ZAR1: variants seen among roughly 807,000 people sequenced by gnomAD.
The protein encoded by ZAR1 is zygote arrest 1.
In ZAR1, 37 loss-of-function variants were observed where a neutral mutation model predicts 38.3. The observed-to-expected ratio is 0.97, with a 90% CI of 0.74 to 1.27. ZAR1 has a LOEUF of 1.27. Among genes scored for constraint, ZAR1 ranks in the 50% most tolerant of loss-of-function variants. The pLI, the probability that ZAR1 is intolerant of heterozygous loss-of-function variation, is 0.00. For missense variants in ZAR1, 651 were observed against 632.4 expected (o/e 1.03, Z -0.32); for synonymous variants, 336 against 292.0 (o/e 1.15, Z -1.53).
In ZAR1 at chr4:48,491,019, G is replaced by A. The variant is rs1718423124; in HGVS notation, c.728G>A (p.Gly243Asp). Residue 243 changes from glycine (G) to aspartate (D), a missense_variant, in exon 1 of 4, where the codon GGC (glycine) becomes GAC (aspartate). By Grantham distance (94) the Gly-to-Asp change is moderately conservative (BLOSUM62 -1). Transcript: ENST00000327939. The part of the protein sequence containing the change: ...APRRPQSDDD[G>D]EAQAAVRASW... Reference sequence around the variant, plus strand: ...CGGCGGCCGCAGTCCGACGACGACGGCGAGGCCCAGGCCGCAGTCCGAGCG... The same window carrying A: ...CGGCGGCCGCAGTCCGACGACGACGACGAGGCCCAGGCCGCAGTCCGAGCG... 5.1e-6 allele frequency: 7 copies of A among 1,365,032 alleles called. No homozygotes were observed. Among genetic ancestry groups the A allele is most frequent in the Non-Finnish European group, 6.6e-6 (7 of 1,063,888 alleles). The allele number at this position is 1,365,032 out of a possible 1,614,324, so 84.6% of individuals were successfully genotyped here. A position where few individuals can be genotyped will look rare whatever the true frequency, so the allele number is the denominator to read the frequency against.
chr4:48,494,688 T>A (rs1718538998), downstream of ZAR1, among the ~76,000 whole-genome samples: 2 of 128,932 alleles, frequency 1.6e-5, no homozygotes, highest in Non-Finnish European at 3.2e-5. Flanking sequence ...AGACTCCATC[T>A]CAAAAAAAAA....
In ZAR1 at chr4:48,490,890, C is replaced by A; in HGVS notation, c.599C>A (p.Ala200Glu). Residue 200 changes from alanine (A) to glutamate (E), a missense_variant, in exon 1 of 4, where the codon GCG (alanine) becomes GAG (glutamate). By Grantham distance (107) the Ala-to-Glu change is moderately radical. This residue lies in a region of ZAR1 where 522 missense variants were observed against 459.9 expected (regional missense o/e 1.14). Transcript: ENST00000327939. ...GCCTTCCTGGAGGGGCCCGGGCCCGCGGCGGGCGAGCAGAGGTCCGGGGCG... is the reference window on the plus strand; with the variant it reads ...GCCTTCCTGGAGGGGCCCGGGCCCGAGGCGGGCGAGCAGAGGTCCGGGGCG... ...LTAFLEGPGP[A>E]AGEQRSGASD... The A allele has an allele frequency of 7.1e-7, 1 of 1,400,218 alleles. No homozygotes were observed. The highest frequency in any genetic ancestry group is 9.3e-7 in the Non-Finnish European group (1 of 1,081,078). The allele number at this position is 1,400,218 out of a possible 1,614,324, so 86.7% of individuals were successfully genotyped here.
downstream of ZAR1, among the ~76,000 whole-genome samples, chr4:48,496,282 C>T (rs1398668192): frequency 6.6e-6 from 1 of 152,068 alleles, no homozygotes; most frequent in Non-Finnish European, 1.5e-5. Flanking sequence ...TTTACTGGTT[C>T]GAACATGTTC....
At chr4:48,492,635 C>G in intron 1 of ZAR1, 131 bp from the exon 2 acceptor site, 4 of 840,884 alleles carry the variant, frequency 4.8e-6, no homozygotes, top group Non-Finnish European at 7.9e-6. Flanking sequence ...AGAGGCGTAC[C>G]CAAACCTGAC....
chr4:48,494,600 G>A (rs1168701010), downstream of ZAR1, among the ~76,000 whole-genome samples: 1 of 152,058 alleles, frequency 6.6e-6, no homozygotes, highest in East Asian at 1.9e-4. Flanking sequence ...CTGGAGGACT[G>A]AAGCTTAGAA....
chr4:48,492,402 A>G lies in ZAR1; in HGVS notation c.964-364A>G, dbSNP rs1288261046. Among the ~76,000 whole-genome samples the G allele has an allele frequency of 2.0e-5, 3 of 152,108 alleles. No homozygotes were observed. In the East Asian group the frequency reaches 5.8e-4, roughly 29 times the overall value. ...TAAAGTTCCTTAGATGTGGAGTCTT[A>G]TTTTTCTTCAGCTTAATACATGTGT... On this transcript the variant is annotated intron_variant, in intron 1 of 3. Transcript: ENST00000327939.
chr4:48,492,891 C>T (rs1718485336), intron 2 of ZAR1, 33 bp downstream of exon 2: 2 of 1,613,786 alleles, frequency 1.2e-6, no homozygotes, highest in Non-Finnish European at 1.7e-6. Context: ...CATCTTCTTG[C>T]TGAAAGTGTC....
intron 3 of ZAR1, among the ~76,000 whole-genome samples, chr4:48,493,447 TAAA>T (rs111668566): frequency 1.1e-4 from 16 of 152,362 alleles, no homozygotes; most frequent in African/African-American, 3.6e-4. Context: ...CAGTTTAAGA[TAAA>T]TCTAAGTTGT....
intron 1 of ZAR1, 109 bp from the exon 2 acceptor site, chr4:48,492,657 C>T: frequency 1.9e-6 from 2 of 1,055,268 alleles, no homozygotes. Flanking sequence ...TGCTTTCTTT[C>T]ATGATCTGAA....
At chr4:48,496,391 CAATG>C (rs1212420227), downstream of ZAR1, among the ~76,000 whole-genome samples, 4 of 148,962 alleles carry the variant, frequency 2.7e-5, no homozygotes, top group African/African-American at 7.5e-5. Context: ...AGTATTTGCT[CAATG>C]AATGAGTGAA....
downstream of ZAR1, among the ~76,000 whole-genome samples, chr4:48,495,001 T>C (rs944025398): frequency 9.2e-5 from 14 of 152,304 alleles, no homozygotes; most frequent in East Asian, 2.3e-3. Context: ...CAAGTAGACT[T>C]TGTGTTTCTT....
At chr4:48,491,304 C>T in intron 1 of ZAR1, 50 bp downstream of exon 1, 1 of 1,209,304 alleles carries the variant, frequency 8.3e-7, no homozygotes. Context: ...GTGCGGGTGT[C>T]TTCCTTGGGC....
chr4:48,492,202 ACT>A (rs2148674285), intron 1 of ZAR1, among the ~76,000 whole-genome samples: 1 of 152,286 alleles, frequency 6.6e-6, no homozygotes, highest in African/African-American at 2.4e-5. Flanking sequence ...TGAAAGGCTA[ACT>A]CTAAAAACGT....
intron 1 of ZAR1, 32 bp downstream of exon 1, chr4:48,491,286 G>C: frequency 8.2e-7 from 1 of 1,226,664 alleles, no homozygotes; most frequent in Non-Finnish European, 1.0e-6. Flanking sequence ...GCACAGGGGA[G>C]CCCGGGGGTG....
At chr4:48,492,635 C>A in intron 1 of ZAR1, 131 bp from the exon 2 acceptor site, 1 of 840,884 alleles carries the variant, frequency 1.2e-6, no homozygotes, top group Non-Finnish European at 2.0e-6. Flanking sequence ...AGAGGCGTAC[C>A]CAAACCTGAC....
At chr4:48,491,455 A>T (rs545388820) in intron 1 of ZAR1, among the ~76,000 whole-genome samples, 13 of 152,166 alleles carry the variant, frequency 8.5e-5, no homozygotes, top group Admixed American at 3.3e-4. Flanking sequence ...ATCCAGACTT[A>T]CTCGTGGCGG....
In ZAR1 at chr4:48,490,786, C is replaced by T. The variant is rs1718408965; in HGVS notation, c.495C>T (p.Pro165=). 2 of 1,503,730 alleles carry T rather than the reference C, an allele frequency of 1.3e-6. No individual in the cohort carries two copies. The highest frequency in any genetic ancestry group is 5.5e-5 in the East Asian group (2 of 36,138). The allele number at this position is 1,503,730 out of a possible 1,614,324, so 93.1% of individuals were successfully genotyped here. A position where few individuals can be genotyped will look rare whatever the true frequency, so the allele number is the denominator to read the frequency against. Residue 165 remains proline (P), a synonymous_variant, in exon 1 of 4, where the codon CCC becomes CCT. Transcript: ENST00000327939. The part of the protein sequence containing the change: ...PSRRGLEQGS[P]QNGAPRPMRF... ...GTCGAGGCCTGGAGCAGGGCAGCCCCCAGAACGGCGCCCCGCGGCCCATGC... is the reference window on the plus strand; with the variant it reads ...GTCGAGGCCTGGAGCAGGGCAGCCCTCAGAACGGCGCCCCGCGGCCCATGC...
At position 48,492,855 on chromosome 4, in the gene ZAR1, CAAGGT is replaced by C. The variant is rs1718483778; in HGVS notation, c.1056+1_1056+5del. The C allele has an allele frequency of 1.2e-6, 2 of 1,614,052 alleles. No homozygotes were observed. Among genetic ancestry groups the C allele is most frequent in the African/African-American group, 1.3e-5 (1 of 74,918 alleles). ...ATGTGTGGTGTGTACAGGGAACTAA[CAAGGT>C]AAGAAATACCAGGTAACTGGCATCT... On this transcript the variant is annotated splice_donor_variant and coding_sequence_variant, in exon 2 of 4. Transcript: ENST00000327939. LOFTEE classifies it high-confidence loss of function.
intron 3 of ZAR1, 64 bp from the exon 4 acceptor site, chr4:48,494,037 T>G (rs1353245389): frequency 6.4e-7 from 1 of 1,564,064 alleles, no homozygotes; most frequent in African/African-American, 1.4e-5. Context: ...AGAAAAATGT[T>G]GAAGTCCTAG....
Sources: allele counts gnomAD v4.1 joint callset (sites outside exome capture counted in the v4.1 genomes callset), GRCh38; gene constraint gnomAD v4.1.1; regional missense constraint gnomAD v4.1.1; transcripts MANE v1.5; gene names NCBI Gene and HGNC (gene_info 2026-07-23, HGNC 2026-07-21).